Variants in CACNB4 observed in about 807,000 individuals in gnomAD.
CACNB4 encodes calcium voltage-gated channel auxiliary subunit beta 4.
A neutral mutation model predicts 71.2 loss-of-function variants in CACNB4; 32 were observed. That is an observed-to-expected ratio of 0.45 (90% CI 0.34 to 0.60). CACNB4 has a LOEUF of 0.60. CACNB4 is among the 20% of genes least tolerant of loss of function. The probability of loss-of-function intolerance (pLI) is 0.01; values close to 1 mark genes in which losing one functional copy is unlikely to be tolerated. For synonymous variants in CACNB4, 231 were observed against 236.9 expected (o/e 0.97, Z 0.23); for missense variants, 464 against 647.9 (o/e 0.72, Z 3.08).
intron 3 of CACNB4, among the ~76,000 whole-genome samples, chr2:151,881,643 T>G (rs2680976): frequency 2.0e-5 from 3 of 152,096 alleles, no homozygotes; most frequent in Non-Finnish European, 4.4e-5. Flanking sequence ...AAGAAAATTT[T>G]GTAACAAAAA....
At chr2:151,892,865 C>T (rs1051921119) in intron 2 of CACNB4, among the ~76,000 whole-genome samples, 1 of 152,246 alleles carries the variant, frequency 6.6e-6, no homozygotes, top group African/African-American at 2.4e-5. Context: ...GGTGTACACT[C>T]TTCCTGCCTC....
At chr2:152,061,975 G>A (rs1288272321) in intron 2 of CACNB4, among the ~76,000 whole-genome samples, 1 of 150,698 alleles carries the variant, frequency 6.6e-6, no homozygotes, top group African/African-American at 2.4e-5. Context: ...TCGCGCCACT[G>A]TACTCCAGCC....
chr2:151,842,693 T>C (rs1361115328), intron 12 of CACNB4, among the ~76,000 whole-genome samples: 1 of 152,062 alleles, frequency 6.6e-6, no homozygotes, highest in Non-Finnish European at 1.5e-5. Context: ...ACAGGTAAAA[T>C]ATGACAAAAA....
intron 2 of CACNB4, among the ~76,000 whole-genome samples, chr2:151,960,850 A>C (rs917700590): frequency 2.6e-5 from 4 of 152,332 alleles, no homozygotes; most frequent in Admixed American, 2.6e-4. Context: ...TCCCCAAAAG[A>C]CACTCCCAAA....
In CACNB4 at chr2:151,895,366, C is replaced by A. The variant is rs187172805; in HGVS notation, c.148-11996G>T. Among the ~76,000 whole-genome samples the A allele has an allele frequency of 1.1e-4, 17 of 152,158 alleles. No individual in the cohort carries two copies. The East Asian group carries it at 3.3e-3, about 29-fold the overall frequency. ...CCTATAGTCTCTGCTACTCTGGAGT[C>A]TAAGACAAGAGAATTTCTTGAGCCC... On this transcript the variant is annotated intron_variant, in intron 2 of 13. Coordinates refer to ENST00000539935, the MANE Select transcript of CACNB4 (RefSeq NM_000726.5).
chr2:151,944,610 G>A (rs572768242), intron 2 of CACNB4, among the ~76,000 whole-genome samples: 18 of 152,246 alleles, frequency 1.2e-4, no homozygotes, highest in Admixed American at 1.1e-3. Flanking sequence ...TGGCCAACAT[G>A]GAGAAACTCC....
At chr2:151,953,709 T>C (rs2099867507) in intron 2 of CACNB4, among the ~76,000 whole-genome samples, 1 of 152,218 alleles carries the variant, frequency 6.6e-6, no homozygotes, top group Admixed American at 6.5e-5. Flanking sequence ...ACAGATCTCC[T>C]CCTGATTTCA....
At chr2:152,026,390 TTTC>T (rs959903387) in intron 2 of CACNB4, among the ~76,000 whole-genome samples, 1 of 150,926 alleles carries the variant, frequency 6.6e-6, no homozygotes, top group East Asian at 1.9e-4. Flanking sequence ...TTTTTTTTTT[TTTC>T]TTCTTCTTTG....
At chr2:152,001,472 T>C (rs1278167197) in intron 2 of CACNB4, among the ~76,000 whole-genome samples, 2 of 131,938 alleles carry the variant, frequency 1.5e-5, no homozygotes, top group Non-Finnish European at 3.1e-5. Context: ...GTGGATCACC[T>C]GAGGTCAGGA....
intron 2 of CACNB4, among the ~76,000 whole-genome samples, chr2:151,964,976 G>A (rs12463883): frequency 0.062 from 9,385 of 152,040 alleles, 556 homozygotes; most frequent in Admixed American, 0.19. Context: ...CCTTGGTTCC[G>A]TTCCTATATT....
chr2:152,035,630 C>CTCTCTCTCT lies in CACNB4; in HGVS notation c.147+62699_147+62700insAGAGAGAGA, dbSNP rs1553818021. 3.8e-3 allele frequency among the ~76,000 whole-genome samples: 358 copies of CTCTCTCTCT among 93,258 alleles called. 8 individuals are homozygous for CTCTCTCTCT. The highest frequency in any genetic ancestry group is 0.014 in the African/African-American group (316 of 22,932). The allele number at this position is 93,258 out of a possible 152,430, so 61.2% of individuals were successfully genotyped here. On this transcript the variant is annotated intron_variant, in intron 2 of 13. Coordinates refer to ENST00000539935, the MANE Select transcript of CACNB4 (RefSeq NM_000726.5). Reference sequence around the variant, plus strand: ...CTCTCTCTCTCTCTCCCTCCCTCTCCCTCTCTCTCTCTCTCTCTCTCTATA... The same window carrying CTCTCTCTCT: ...CTCTCTCTCTCTCTCCCTCCCTCTCCTCTCTCTCTCTCTCTCTCTCTCTCTCTCTCTATA...
intron 2 of CACNB4, among the ~76,000 whole-genome samples, chr2:151,891,171 G>C (rs2099850636): frequency 6.6e-6 from 1 of 152,164 alleles, no homozygotes; most frequent in Non-Finnish European, 1.5e-5. Flanking sequence ...CCTTCCTGTT[G>C]TGCTGGCTAG....
chr2:151,875,614 G>A (rs2099845851), intron 5 of CACNB4, among the ~76,000 whole-genome samples: 1 of 146,004 alleles, frequency 6.8e-6, no homozygotes, highest in South Asian at 2.2e-4. Context: ...CGGCTCGCCA[G>A]GCAGGGGGCT....
intron 9 of CACNB4, chr2:151,868,275 A>C (rs768849681): frequency 1.5e-4 from 23 of 152,210 alleles, no homozygotes; most frequent in Non-Finnish European, 2.9e-4. Flanking sequence ...TACTGCCTTC[A>C]AAAATAAAGA....
intron 2 of CACNB4, among the ~76,000 whole-genome samples, chr2:152,038,790 G>A (rs1482772542): frequency 1.2e-4 from 19 of 152,144 alleles, no homozygotes; most frequent in Non-Finnish European, 2.4e-4. Context: ...GCTAGGACAC[G>A]TTAGTGGTGG....
In CACNB4 at chr2:151,833,400, T is replaced by G. The variant is rs2099834221; in HGVS notation, c.*5719A>C. On this transcript the variant is annotated 3_prime_UTR_variant, in exon 14 of 14. Transcript: ENST00000539935. ...GTTGGGACATCTTTATTGATCATTC[T>G]GACTCGAGGCTGTGAAAAATACAAA... is the stretch of plus-strand genomic sequence containing the variant. 6.6e-6 allele frequency: 1 copy of G among 152,154 alleles called. No homozygotes were observed. Among genetic ancestry groups the G allele is most frequent in the Admixed American group, 6.5e-5 (1 of 15,274 alleles). 9.4% of individuals were successfully genotyped at this position (152,154 alleles called of 1,614,324 possible). A position where few individuals can be genotyped will look rare whatever the true frequency, so the allele number is the denominator to read the frequency against.
chr2:152,066,528 A>G (rs1686337706), intron 2 of CACNB4, among the ~76,000 whole-genome samples: 1 of 149,982 alleles, frequency 6.7e-6, no homozygotes, highest in African/African-American at 2.4e-5. Flanking sequence ...AAATAGGAAC[A>G]CTTTTACACT....
intron 2 of CACNB4, among the ~76,000 whole-genome samples, chr2:152,006,559 T>G (rs1682742650): frequency 6.6e-6 from 1 of 151,876 alleles, no homozygotes; most frequent in Non-Finnish European, 1.5e-5. Context: ...AGCCACCACA[T>G]CTGGCTAATT....
intron 2 of CACNB4, among the ~76,000 whole-genome samples, chr2:151,950,507 G>A (rs1394469697): frequency 2.0e-5 from 3 of 152,126 alleles, no homozygotes; most frequent in Admixed American, 6.5e-5. Context: ...GAACTCAAAC[G>A]AATACTTGTC....
Sources: gnomAD v4.1 joint callset for allele counts (sites outside exome capture counted in the v4.1 genomes callset) on GRCh38, gnomAD v4.1.1 for gene constraint, MANE v1.5 for transcripts, NCBI Gene and HGNC (gene_info 2026-07-23, HGNC 2026-07-21) for gene names.